TEX51: variants seen among roughly 807,000 people sequenced by gnomAD.
The protein encoded by TEX51 is testis-expressed protein 51.
A neutral mutation model predicts 8.0 loss-of-function variants in TEX51; 14 were observed. That is an observed-to-expected ratio of 1.76 (90% confidence interval 1.16 to 2.75). The LOEUF is 2.75. TEX51 is among the 30% of genes most tolerant of loss of function. The probability of loss-of-function intolerance (pLI) is 0.00; values close to 1 mark genes in which losing one functional copy is unlikely to be tolerated. For missense variants in TEX51, 142 were observed against 77.4 expected, an observed-to-expected ratio of 1.83 and a Z score of -3.13; for synonymous variants, 58 against 28.6, an observed-to-expected ratio of 2.03 and a Z score of -3.29.
chr2:126,899,167 C>A, intron 1 of TEX51, 50 bp from the exon 2 acceptor site: 1 of 702,296 alleles, frequency 1.4e-6, no homozygotes. Context: ...CTTTACCTGA[C>A]CTGGGATCTT....
In TEX51 at chr2:126,899,060, C is replaced by G; in HGVS notation, c.142C>G (p.Gln48Glu). The G allele has an allele frequency of 1.4e-6, 1 of 702,310 alleles. No individual in the cohort carries two copies. Among genetic ancestry groups the G allele is most frequent in the Non-Finnish European group, 2.6e-6 (1 of 384,810 alleles). 43.5% of individuals were successfully genotyped at this position (702,310 alleles called of 1,614,324 possible). A position where few individuals can be genotyped will look rare whatever the true frequency, so the allele number is the denominator to read the frequency against. ...CCCAGGGCCACCCACAGAACTTTCT[C>G]AAAGTATTCACTCCTTGTTCCTAGA... is the stretch of plus-strand genomic sequence containing the variant. ...VTPGPPTELS[Q>E]NRDHLEEETA... Residue 48 changes from glutamine (Q) to glutamate (E), a missense_variant, in exon 1 of 7, where the codon CAA becomes GAA. Transcript: ENST00000568484.
In TEX51 at chr2:126,901,981, A is replaced by T. The variant is rs1408002166; in HGVS notation, c.*112A>T. The T allele has an allele frequency of 3.3e-6, 2 of 610,624 alleles. No homozygotes were observed. Among genetic ancestry groups the T allele is most frequent in the Non-Finnish European group, 5.9e-6 (2 of 340,704 alleles). The allele number at this position is 610,624 out of a possible 1,614,324, so 37.8% of individuals were successfully genotyped here. ...GTGACCCCATCCCCCCATACCCTCC[A>T]TCCTGGGTCCTGGGGCCCCAAAGCT... On this transcript the variant is annotated 3_prime_UTR_variant, in exon 7 of 7. Coordinates refer to ENST00000568484, the MANE Select transcript of TEX51 (RefSeq NM_001322244.2).
chr2:126,899,036 C>T lies in TEX51; in HGVS notation c.118C>T (p.Pro40Ser), dbSNP rs1211941237. Residue 40 changes from proline (P) to serine (S), a missense_variant, in exon 1 of 7, where the codon CCA (proline) becomes TCA (serine). Physicochemically the swap from Pro to Ser is moderately conservative, Grantham distance 74 (BLOSUM62 -1). Transcript: ENST00000568484. ...TGACCTGCAGATCCTCTGGGTGACC[C>T]CAGGGCCACCCACAGAACTTTCTCA... ...DYDLQILWVT[P>S]GPPTELSQNR... 1.4e-6 allele frequency: 1 copy of T among 702,262 alleles called. No homozygotes were observed. Among genetic ancestry groups the T allele is most frequent in the South Asian group, 1.5e-5 (1 of 67,576 alleles). The allele number at this position is 702,262 out of a possible 1,614,324, so 43.5% of individuals were successfully genotyped here.
intron 3 of TEX51, 99 bp downstream of exon 3, chr2:126,899,711 C>T (rs1680220699): frequency 2.9e-6 from 2 of 696,380 alleles, no homozygotes; most frequent in Non-Finnish European, 5.2e-6. Context: ...CGATCATCCC[C>T]AGGAGCCCCA....
intron 4 of TEX51, among the ~76,000 whole-genome samples, chr2:126,900,948 C>G (rs901344245): frequency 6.6e-6 from 1 of 152,208 alleles, no homozygotes; most frequent in African/African-American, 2.4e-5. Flanking sequence ...AAGAAGCTTT[C>G]CCTGATCAGC....
chr2:126,901,750 G>GC (rs1680344254), intron 6 of TEX51, 122 bp from the exon 7 acceptor site: 1 of 571,568 alleles, frequency 1.7e-6, no homozygotes, highest in African/African-American at 1.9e-5. Context: ...TGGCTGCCTT[G>GC]CCCTCTGCTC....
Position 126,899,076 on chromosome 2 carries a change from T to C in TEX51, c.145+13T>C, listed in dbSNP as rs907381622. Reference sequence around the variant, plus strand: ...GAACTTTCTCAAAGTATTCACTCCTTGTTCCTAGAGGATAATAATTTTCTC... The same window carrying C: ...GAACTTTCTCAAAGTATTCACTCCTCGTTCCTAGAGGATAATAATTTTCTC... On this transcript the variant is annotated intron_variant, in intron 1 of 6. Coordinates refer to ENST00000568484, the MANE Select transcript of TEX51 (RefSeq NM_001322244.2). The C allele has an allele frequency of 8.5e-6, 6 of 702,058 alleles. No individual in the cohort carries two copies. In the Admixed American group the frequency reaches 1.0e-4, roughly 12 times the overall value. 43.5% of individuals were successfully genotyped at this position (702,058 alleles called of 1,614,324 possible). A position where few individuals can be genotyped will look rare whatever the true frequency, so the allele number is the denominator to read the frequency against.
intron 2 of TEX51, 110 bp from the exon 3 acceptor site, chr2:126,899,413 C>T: frequency 1.5e-6 from 1 of 681,994 alleles, no homozygotes; most frequent in South Asian, 1.6e-5. Flanking sequence ...GAGATGAATG[C>T]AGTCTGTCTC....
In TEX51 at chr2:126,901,219, G is replaced by A. The variant is rs572556847; in HGVS notation, c.404G>A (p.Arg135Gln). ...NDPTFCPARN[R>Q]RTSLWAVSLS... Reference sequence around the variant, plus strand: ...CTCTTTCACACCCCAGCCAGGAACCGGCGGACCTCCCTGTGGGCTGTGAGT... The same window carrying A: ...CTCTTTCACACCCCAGCCAGGAACCAGCGGACCTCCCTGTGGGCTGTGAGT... Residue 135 changes from arginine (R) to glutamine (Q), a missense_variant, in exon 5 of 7, where the codon CGG (arginine) becomes CAG (glutamine). Transcript: ENST00000568484. The A allele has an allele frequency of 6.5e-5, 43 of 661,206 alleles. No individual in the cohort carries two copies. Among genetic ancestry groups the A allele is most frequent in the Admixed American group, 2.4e-4 (11 of 46,388 alleles). The allele number at this position is 661,206 out of a possible 1,614,324, so 41.0% of individuals were successfully genotyped here.
At chr2:126,899,163 C>G (rs759921435) in intron 1 of TEX51, 54 bp from the exon 2 acceptor site, 4 of 702,236 alleles carry the variant, frequency 5.7e-6, no homozygotes, top group South Asian at 4.4e-5. Context: ...GCCTCTTTAC[C>G]TGACCTGGGA....
intron 4 of TEX51, among the ~76,000 whole-genome samples, chr2:126,900,664 C>A (rs1284364058): frequency 6.6e-6 from 1 of 152,116 alleles, no homozygotes; most frequent in African/African-American, 2.4e-5. Flanking sequence ...TTCCCATTAG[C>A]CTCCCTGTCC....
rs904798389 is a variant in TEX51 at position 126,901,516 on chromosome 2, C to T, written c.*2+112C>T. The T allele has an allele frequency of 3.8e-4, 250 of 665,980 alleles. No homozygotes were observed. In the Middle Eastern group the frequency reaches 4.8e-3, roughly 13 times the overall value. 41.3% of individuals were successfully genotyped at this position (665,980 alleles called of 1,614,324 possible). A position where few individuals can be genotyped will look rare whatever the true frequency, so the allele number is the denominator to read the frequency against. On this transcript the variant is annotated intron_variant, in intron 6 of 6. Transcript: ENST00000568484. ...CCAGTGCTGACCTCCTGGGGTCTGG[C>T]GTGCAGAACAGAGTGGGATCGAGGG... is the stretch of plus-strand genomic sequence containing the variant.
chr2:126,901,834 G>T (rs1320015447), intron 6 of TEX51, 38 bp from the exon 7 acceptor site: 2 of 584,600 alleles, frequency 3.4e-6, no homozygotes, highest in East Asian at 6.0e-5. Flanking sequence ...GTAGTGGGAG[G>T]TCAGGGTAGA....
chr2:126,900,624 C>T (rs1352344464), intron 4 of TEX51, among the ~76,000 whole-genome samples: 1 of 152,020 alleles, frequency 6.6e-6, no homozygotes, highest in Non-Finnish European at 1.5e-5. Flanking sequence ...TCTCAGGCCT[C>T]CTCATCTCTC....
In TEX51 at chr2:126,899,547, T is replaced by A. The variant is rs1271964495; in HGVS notation, c.245T>A (p.Ile82Asn). ...GATAAAACAGTACTTCTGGAAGAGA[T>A]CTACACGCACAAGAATCTCTTTACT... ...RDDKTVLLEE[I>N]YTHKNLFTER... The change falls in exon 3 of 7, where the codon ATC becomes AAC. Residue 82 changes from isoleucine (I) to asparagine (N), a missense_variant. Coordinates refer to ENST00000568484, the MANE Select transcript of TEX51 (RefSeq NM_001322244.2). The A allele has an allele frequency of 1.4e-6, 1 of 702,034 alleles. No individual in the cohort carries two copies. The highest frequency in any genetic ancestry group is 2.0e-5 in the Admixed American group (1 of 49,994). The allele number at this position is 702,034 out of a possible 1,614,324, so 43.5% of individuals were successfully genotyped here.
rs75284937 is a variant in TEX51 at position 126,899,632 on chromosome 2, C to T, written c.310+20C>T. The T allele has an allele frequency of 0.12, 83,070 of 699,058 alleles. 6,692 individuals are homozygous for T. Among genetic ancestry groups the T allele is most frequent in the African/African-American group, 0.33 (18,611 of 57,146 alleles). 43.3% of individuals were successfully genotyped at this position (699,058 alleles called of 1,614,324 possible). A position where few individuals can be genotyped will look rare whatever the true frequency, so the allele number is the denominator to read the frequency against. On this transcript the variant is annotated intron_variant, in intron 3 of 6. Coordinates refer to ENST00000568484, the MANE Select transcript of TEX51 (RefSeq NM_001322244.2). Reference sequence around the variant, plus strand: ...AGAAGGGTAAGGGGTGGGGACGATCCCTGCACACGGCCCAGCCCTCCACAC... The same window carrying T: ...AGAAGGGTAAGGGGTGGGGACGATCTCTGCACACGGCCCAGCCCTCCACAC...
intron 2 of TEX51, 96 bp downstream of exon 2, chr2:126,899,387 G>A (rs906215382): frequency 5.2e-5 from 36 of 690,920 alleles, no homozygotes; most frequent in African/African-American, 4.2e-4. Flanking sequence ...ATGGGTGGGA[G>A]GTCTTGTGAA....
chr2:126,899,046 C>T lies in TEX51; in HGVS notation c.128C>T (p.Pro43Leu), dbSNP rs61742774. Reference sequence around the variant, plus strand: ...ATCCTCTGGGTGACCCCAGGGCCACCCACAGAACTTTCTCAAAGTATTCAC... The same window carrying T: ...ATCCTCTGGGTGACCCCAGGGCCACTCACAGAACTTTCTCAAAGTATTCAC... ...LQILWVTPGP[P>L]TELSQNRDHL... Residue 43 changes from proline (P) to leucine (L), a missense_variant, in exon 1 of 7, where the codon CCC becomes CTC. Coordinates refer to ENST00000568484, the MANE Select transcript of TEX51 (RefSeq NM_001322244.2). 715 of 702,248 alleles carry T rather than the reference C, an allele frequency of 1.0e-3. 2 individuals are homozygous for T. The African/African-American group carries it at 0.011, about 11-fold the overall frequency. 43.5% of individuals were successfully genotyped at this position (702,248 alleles called of 1,614,324 possible).
intron 4 of TEX51, among the ~76,000 whole-genome samples, chr2:126,900,748 G>A (rs185041816): frequency 4.1e-4 from 63 of 152,252 alleles, no homozygotes; most frequent in African/African-American, 1.4e-3. Flanking sequence ...CTTATAACCA[G>A]CAGTGGTTCC....
Sources: allele counts gnomAD v4.1 joint callset (sites outside exome capture counted in the v4.1 genomes callset), GRCh38; gene constraint gnomAD v4.1.1; transcripts MANE v1.5; gene names NCBI Gene and HGNC (gene_info 2026-07-23, HGNC 2026-07-21).